The following ANKS1A variants were observed in gnomAD, a reference collection of about 807,000 sequenced individuals.
ANKS1A encodes the protein ankyrin repeat and sterile alpha motif domain containing 1A.
In ANKS1A, 55 loss-of-function variants were observed where a neutral mutation model predicts 120.3. The observed-to-expected ratio is 0.46, with a 90% confidence interval of 0.37 to 0.57. The LOEUF (loss-of-function observed/expected upper bound fraction) is 0.57, where lower values mean the gene tolerates loss of function less well. Among genes scored for constraint, ANKS1A ranks in the 20% least tolerant of loss-of-function variants. The probability of loss-of-function intolerance (pLI) is 0.00; values close to 1 mark genes in which losing one functional copy is unlikely to be tolerated. For synonymous variants in ANKS1A, 590 were observed against 604.7 expected, an observed-to-expected ratio of 0.98 and a Z score of 0.36; for missense variants, 1,123 against 1,480.3, an observed-to-expected ratio of 0.76 and a Z score of 3.96.
At chr6:35,072,949 G>T (rs1777153496) in intron 13 of ANKS1A, among the ~76,000 whole-genome samples, 1 of 152,216 alleles carries the variant, frequency 6.6e-6, no homozygotes, top group African/African-American at 2.4e-5. Context: ...GAAGACGACT[G>T]GGGTTGGTCA....
intron 20 of ANKS1A, 67 bp downstream of exon 20, chr6:35,083,570 A>G (rs1345708139): frequency 1.3e-5 from 20 of 1,500,244 alleles, no homozygotes; most frequent in Non-Finnish European, 1.8e-5. Flanking sequence ...ACAGGGCTCC[A>G]GGGCAAGCAA....
At chr6:34,959,978 C>T (rs1770553450) in intron 1 of ANKS1A, among the ~76,000 whole-genome samples, 1 of 152,116 alleles carries the variant, frequency 6.6e-6, no homozygotes, top group South Asian at 2.1e-4. Context: ...CTACCCCTGG[C>T]AGTGAACACT....
intron 1 of ANKS1A, among the ~76,000 whole-genome samples, chr6:34,891,110 A>G (rs1766800579): frequency 6.6e-6 from 1 of 152,202 alleles, no homozygotes; most frequent in Non-Finnish European, 1.5e-5. Flanking sequence ...ATGGAGTGGA[A>G]GTCAGGGCTT....
In ANKS1A at chr6:34,989,260, G is replaced by A. The variant is rs149219498; in HGVS notation, c.1246G>A (p.Asp416Asn). ...ACCACCTCCAGCAAAGCCACCGCCC[G>A]ATGAAGAGGAAGAAGACCACATAGA... ...RPPPPAKPPP[D>N]EEEEDHIDKK... Residue 416 changes from aspartate (D) to asparagine (N), a missense_variant, in exon 9 of 24, where the codon GAT (aspartate) becomes AAT (asparagine). This residue lies in a region of ANKS1A where 904 missense variants were observed against 1,130.4 expected (regional missense o/e 0.80). Transcript: ENST00000360359. 8.6e-4 allele frequency: 1,389 copies of A among 1,614,046 alleles called. 14 individuals carry two copies. In the South Asian group the frequency reaches 0.011, roughly 13 times the overall value.
chr6:35,023,502 A>C, intron 11 of ANKS1A: 1 of 298,480 alleles, frequency 3.4e-6, no homozygotes. Context: ...GAAGCACCAG[A>C]GCTGTGGCAG....
chr6:34,993,330 G>A (rs945826995), intron 9 of ANKS1A, among the ~76,000 whole-genome samples: 1 of 152,216 alleles, frequency 6.6e-6, no homozygotes, highest in Non-Finnish European at 1.5e-5. Flanking sequence ...AAGGGAAAGC[G>A]TGGCTACTCT....
At chr6:34,902,383 G>T (rs561591047) in intron 1 of ANKS1A, among the ~76,000 whole-genome samples, 1 of 151,910 alleles carries the variant, frequency 6.6e-6, no homozygotes, top group East Asian at 1.9e-4. Context: ...CAAGTAGCTG[G>T]GATTACAGGC....
At chr6:34,975,753 CA>C (rs34615082) in intron 3 of ANKS1A, among the ~76,000 whole-genome samples, 13,273 of 147,576 alleles carry the variant, frequency 0.09, 745 homozygotes, top group East Asian at 0.34. Context: ...GACCCTGTCT[CA>C]AAAAAAAAAT....
rs922511892 is a variant in ANKS1A, at chr6:35,090,917, C to T, written c.*2308C>T. 4 of 985,532 alleles carry T rather than the reference C, an allele frequency of 4.1e-6. No homozygotes were observed. The highest frequency in any genetic ancestry group is 4.7e-5 in the South Asian group (1 of 21,296). The allele number at this position is 985,532 out of a possible 1,614,324, so 61.0% of individuals were successfully genotyped here. On this transcript the variant is annotated 3_prime_UTR_variant, in exon 24 of 24. Transcript: ENST00000360359. ...CATAAGACCTTCCCGACAGGCTCTG[C>T]GTGTGCAGCTCTCTGCGTCCCTCCT...
chr6:35,071,918 C>T (rs1297059264), intron 13 of ANKS1A, among the ~76,000 whole-genome samples: 3 of 152,260 alleles, frequency 2.0e-5, no homozygotes, highest in African/African-American at 7.2e-5. Flanking sequence ...CCGGCCCCTC[C>T]CCATCTGGGG....
intron 11 of ANKS1A, among the ~76,000 whole-genome samples, chr6:35,030,107 C>T (rs1383988336): frequency 6.6e-6 from 1 of 152,162 alleles, no homozygotes; most frequent in Admixed American, 6.5e-5. Flanking sequence ...GTTGGAACTA[C>T]ATCTTCTAAG....
At chr6:35,007,062 A>C (rs1477905016) in intron 10 of ANKS1A, among the ~76,000 whole-genome samples, 2 of 152,226 alleles carry the variant, frequency 1.3e-5, no homozygotes, top group Non-Finnish European at 2.9e-5. Flanking sequence ...AAGATGATTT[A>C]TAGGAATAAG....
Position 34,999,031 on chromosome 6 carries a change from C to T in ANKS1A, c.1423+4609C>T, listed in dbSNP as rs560172577. ...GCCAGAGCAGTGTGTGGCAGGCCCCCGTGGAGGATCAGCACAGTGGCTGAA... is the reference window on the plus strand; with the variant it reads ...GCCAGAGCAGTGTGTGGCAGGCCCCTGTGGAGGATCAGCACAGTGGCTGAA... On this transcript the variant is annotated intron_variant, in intron 10 of 23. Transcript: ENST00000360359. 5.3e-5 allele frequency among the ~76,000 whole-genome samples: 8 copies of T among 152,298 alleles called. 1 individual carries two copies. Among genetic ancestry groups the T allele is most frequent in the Admixed American group, 1.3e-4 (2 of 15,302 alleles).
At position 34,939,716 on chromosome 6, in the gene ANKS1A, C is replaced by CA. The variant is rs59762250; in HGVS notation, c.198-27512dup. 5.7e-3 allele frequency among the ~76,000 whole-genome samples: 806 copies of CA among 140,700 alleles called. 4 individuals carry two copies. The highest frequency in any genetic ancestry group is 7.9e-3 in the African/African-American group (302 of 38,402). 92.3% of individuals were successfully genotyped at this position (140,700 alleles called of 152,430 possible). On this transcript the variant is annotated intron_variant, in intron 1 of 23. Coordinates refer to ENST00000360359, the MANE Select transcript of ANKS1A (RefSeq NM_015245.3). ...TGACAGAGTGAGATCCTGTCTCTTT[C>CA]AAAAAAAAAAAGAAAAGGTTTGGGG...
chr6:34,960,963 C>T (rs1770608441), intron 1 of ANKS1A, among the ~76,000 whole-genome samples: 1 of 152,178 alleles, frequency 6.6e-6, no homozygotes, highest in South Asian at 2.1e-4. Context: ...TGGCTAACCG[C>T]AGAGCCCAAG....
At chr6:35,003,340 A>C (rs183231908) in intron 10 of ANKS1A, among the ~76,000 whole-genome samples, 64 of 152,286 alleles carry the variant, frequency 4.2e-4, no homozygotes, top group African/African-American at 1.5e-3. Flanking sequence ...CTGGCCCGGC[A>C]AGAAACTCAG....
At chr6:34,950,335 T>G (rs535347130) in intron 1 of ANKS1A, among the ~76,000 whole-genome samples, 70 of 149,888 alleles carry the variant, frequency 4.7e-4, no homozygotes, top group African/African-American at 1.7e-3. Context: ...CAAGTGATTC[T>G]CCTGCCTCAG....
At chr6:34,896,379 G>A (rs376998202) in intron 1 of ANKS1A, among the ~76,000 whole-genome samples, 1 of 152,046 alleles carries the variant, frequency 6.6e-6, no homozygotes, top group Non-Finnish European at 1.5e-5. Flanking sequence ...AGCCAAGAAT[G>A]TCTTAAAATA....
intron 10 of ANKS1A, among the ~76,000 whole-genome samples, chr6:35,013,303 A>AT (rs1773856648): frequency 6.6e-6 from 1 of 151,288 alleles, no homozygotes; most frequent in Non-Finnish European, 1.5e-5. Context: ...TTTATTTTTT[A>AT]TTTTTTGGTG....
Sources: allele counts gnomAD v4.1 joint callset (sites outside exome capture counted in the v4.1 genomes callset), GRCh38; gene constraint gnomAD v4.1.1; regional missense constraint gnomAD v4.1.1; transcripts MANE v1.5; gene names NCBI Gene and HGNC (gene_info 2026-07-23, HGNC 2026-07-21).